PARD3B: variants seen among roughly 807,000 people sequenced by gnomAD.
The protein encoded by PARD3B is partitioning defective 3 homolog B.
PARD3B carries 103 observed loss-of-function variants against 130.2 expected under a neutral mutation model. The ratio of observed to expected loss-of-function variants is 0.79; its 90% CI spans 0.67 to 0.93. The LOEUF (loss-of-function observed/expected upper bound fraction) is 0.93, where lower values mean the gene tolerates loss of function less well. Among genes scored for constraint, PARD3B ranks in the 40% least tolerant of loss-of-function variants. The probability of loss-of-function intolerance (pLI) is 0.00; values close to 1 mark genes in which losing one functional copy is unlikely to be tolerated. For synonymous variants in PARD3B, 583 were observed against 553.2 expected (o/e 1.05, Z -0.76); for missense variants, 1,609 against 1,499.2 (o/e 1.07, Z -1.21).
intron 2 of PARD3B, among the ~76,000 whole-genome samples, chr2:204,933,486 G>T (rs1688177360): frequency 1.3e-5 from 2 of 152,106 alleles, no homozygotes; most frequent in Non-Finnish European, 2.9e-5. Context: ...ATGTTATGTA[G>T]AACATATTAA....
At chr2:205,039,944 T>G (rs1698276458) in intron 3 of PARD3B, among the ~76,000 whole-genome samples, 1 of 152,038 alleles carries the variant, frequency 6.6e-6, no homozygotes, top group South Asian at 2.1e-4. Context: ...TTTCTGGGCT[T>G]CAGTTCTTTT....
chr2:204,862,173 G>A (rs1241691622), intron 2 of PARD3B, among the ~76,000 whole-genome samples: 2 of 152,112 alleles, frequency 1.3e-5, no homozygotes, highest in East Asian at 1.9e-4. Flanking sequence ...CACTCCCAGC[G>A]ATACAGCTCT....
chr2:205,218,135 C>T (rs969291492), intron 15 of PARD3B, among the ~76,000 whole-genome samples: 1 of 151,918 alleles, frequency 6.6e-6, no homozygotes, highest in African/African-American at 2.4e-5. Flanking sequence ...CCATGATCCA[C>T]CCACCTTGGC....
At position 205,558,950 on chromosome 2, in the gene PARD3B, T is replaced by G. The variant is rs1197514628; in HGVS notation, c.3260+5547T>G. The stretch of plus-strand genomic sequence containing the variant: ...TGCCCCTTTCCACCCCATTGAAATA[T>G]AAATTCCTTGAAATAAGAGACTTTG... On this transcript the variant is annotated intron_variant, in intron 22 of 22. Coordinates refer to ENST00000406610, the MANE Select transcript of PARD3B (RefSeq NM_001302769.2). This position sits in a 1 kb window ranked among gnomAD's most constrained non-coding sequence, Gnocchi z 4.8. Among the ~76,000 whole-genome samples the G allele has an allele frequency of 6.6e-6, 1 of 152,236 alleles. No individual in the cohort carries two copies. Among genetic ancestry groups the G allele is most frequent in the Non-Finnish European group, 1.5e-5 (1 of 68,038 alleles).
At chr2:205,376,384 A>G (rs2045053834) in intron 18 of PARD3B, among the ~76,000 whole-genome samples, 3 of 151,972 alleles carry the variant, frequency 2.0e-5, no homozygotes, top group Admixed American at 6.6e-5. Flanking sequence ...TGGACGACAG[A>G]GGCTGGGAGA....
At chr2:205,498,163 G>GCA (rs372137980) in intron 20 of PARD3B, among the ~76,000 whole-genome samples, 113 of 144,268 alleles carry the variant, frequency 7.8e-4, no homozygotes, top group African/African-American at 2.8e-3. Context: ...TCGCACCACT[G>GCA]CACTCTACCC....
chr2:204,995,428 T>A (rs2125255104), intron 3 of PARD3B, among the ~76,000 whole-genome samples: 1 of 148,576 alleles, frequency 6.7e-6, no homozygotes. Context: ...TTCTGGCTTG[T>A]AGGGTTTCTG....
rs2030751296 is a variant in PARD3B, at chr2:205,121,718, GGC to G, written c.936_937del (p.Val313PhefsTer25). 6.2e-7 allele frequency: 1 copy of G among 1,613,932 alleles called. No individual in the cohort carries two copies. Among genetic ancestry groups the G allele is most frequent in the South Asian group, 1.1e-5 (1 of 91,076 alleles). On this transcript the variant is annotated frameshift_variant, in exon 8 of 23. Coordinates refer to ENST00000406610, the MANE Select transcript of PARD3B (RefSeq NM_001302769.2). LOFTEE classifies it high-confidence loss of function. The surrounding 1 kb of genome is among the most constrained non-coding windows in gnomAD (Gnocchi z 5.0). ...GSLNIFGNND[G>X]VLKTKVPPPV... ...TCTTAACATTTTTGGTAATAATGAT[GGC>G]GTTTTGAAAACCAAAGTGCCGCCTC... is the stretch of plus-strand genomic sequence containing the variant.
At chr2:205,335,750 G>C (rs849220) in intron 18 of PARD3B, among the ~76,000 whole-genome samples, 137,705 of 152,214 alleles carry the variant, frequency 0.9, 62,459 homozygotes, top group Admixed American at 0.94. Context: ...TGGATGACAG[G>C]AGGCAAAAAG....
At chr2:205,447,503 G>T (rs755058387) in intron 20 of PARD3B, among the ~76,000 whole-genome samples, 1 of 152,086 alleles carries the variant, frequency 6.6e-6, no homozygotes, top group East Asian at 1.9e-4. Flanking sequence ...TCAGCCTCCC[G>T]AGTAGCTGGG....
intron 2 of PARD3B, among the ~76,000 whole-genome samples, chr2:204,773,426 C>A (rs2041475444): frequency 6.6e-6 from 1 of 151,770 alleles, no homozygotes; most frequent in Non-Finnish European, 1.5e-5. Flanking sequence ...AGCTGTAACA[C>A]ATGTTGTTTT....
chr2:204,704,823 G>T (rs564717619), intron 2 of PARD3B, among the ~76,000 whole-genome samples: 1 of 152,002 alleles, frequency 6.6e-6, no homozygotes, highest in Non-Finnish European at 1.5e-5. Flanking sequence ...TAACAAAAAA[G>T]AATTTTTTAT....
intron 2 of PARD3B, among the ~76,000 whole-genome samples, chr2:204,924,695 T>C (rs1687448685): frequency 1.3e-5 from 2 of 151,996 alleles, no homozygotes; most frequent in Admixed American, 1.3e-4. Context: ...AAAAAGCCTC[T>C]CCCAGCTTTT....
chr2:205,185,147 A>T (rs1401510714), intron 13 of PARD3B, among the ~76,000 whole-genome samples: 2 of 152,158 alleles, frequency 1.3e-5, no homozygotes, highest in African/African-American at 2.4e-5. Flanking sequence ...AAAAGTATAC[A>T]TTTTTAGTAG....
Position 204,987,000 on chromosome 2 carries a change from T to C in PARD3B, c.394+21677T>C, listed in dbSNP as rs144637680. Among the ~76,000 whole-genome samples, 215 of 152,358 alleles carry C rather than the reference T, an allele frequency of 1.4e-3. 1 individual carries two copies. Among genetic ancestry groups the C allele is most frequent in the African/African-American group, 4.9e-3 (202 of 41,578 alleles). On this transcript the variant is annotated intron_variant, in intron 3 of 22. Coordinates refer to ENST00000406610, the MANE Select transcript of PARD3B (RefSeq NM_001302769.2). ...TATTCTAAAACAATAGCACAGGTAC[T>C]GAACAAACTTCCCAAGTGTCTAAGG...
At chr2:205,117,500 C>T (rs1192315575) in intron 6 of PARD3B, among the ~76,000 whole-genome samples, 2 of 152,202 alleles carry the variant, frequency 1.3e-5, no homozygotes, top group Non-Finnish European at 2.9e-5. Flanking sequence ...GGTTCAACTC[C>T]GTGGCCACTC....
chr2:205,204,405 T>G (rs2037167704), intron 15 of PARD3B, among the ~76,000 whole-genome samples: 1 of 152,224 alleles, frequency 6.6e-6, no homozygotes, highest in South Asian at 2.1e-4. Context: ...AGGTTGCCTG[T>G]TCACTCTGAT....
intron 2 of PARD3B, among the ~76,000 whole-genome samples, chr2:204,778,507 T>A (rs946628601): frequency 1.3e-5 from 2 of 151,764 alleles, no homozygotes; most frequent in Non-Finnish European, 2.9e-5. Flanking sequence ...TCAGGTAGAG[T>A]GTGTAGATTT....
chr2:205,483,249 G>T (rs989591332), intron 20 of PARD3B, among the ~76,000 whole-genome samples: 1 of 152,206 alleles, frequency 6.6e-6, no homozygotes, highest in Admixed American at 6.5e-5. Flanking sequence ...CATTGATGGT[G>T]TTGCTAGTCT....
Sources: gnomAD v4.1 joint callset for allele counts (sites outside exome capture counted in the v4.1 genomes callset) on GRCh38, gnomAD v4.1.1 for gene constraint, Gnocchi (gnomAD v3.1) non-coding constraint, MANE v1.5 for transcripts, NCBI Gene and HGNC (gene_info 2026-07-23, HGNC 2026-07-21) for gene names.